Variants in PLCZ1 observed in about 807,000 individuals in gnomAD.
PLCZ1 encodes 1-phosphatidylinositol 4,5-bisphosphate phosphodiesterase zeta-1.
In PLCZ1, 64 loss-of-function variants were observed where a neutral mutation model predicts 76.8. That is an observed-to-expected ratio of 0.83 (90% confidence interval 0.68 to 1.03). PLCZ1 has a LOEUF of 1.03. Ranked by LOEUF, PLCZ1 falls within the 50% of genes least tolerant of loss-of-function variation. The pLI, the probability that PLCZ1 is intolerant of heterozygous loss-of-function variation, is 0.00. For synonymous variants in PLCZ1, 248 were observed against 230.8 expected (o/e 1.07, Z -0.68); for missense variants, 751 against 713.7 (o/e 1.05, Z -0.60).
chr12:18,737,889 T>A, intron 1 of PLCZ1, 43 bp downstream of exon 1: 2 of 284,964 alleles, frequency 7.0e-6, no homozygotes, highest in South Asian at 5.8e-5. Flanking sequence ...TTTGGGCTGC[T>A]TCTCTAGATC....
At chr12:18,651,815 G>T in the PLCZ1 span, among the ~76,000 whole-genome samples, 1 of 152,116 alleles carries the variant, frequency 6.6e-6, no homozygotes, top group East Asian at 1.9e-4. Flanking sequence ...CCAGTTGATT[G>T]TTCACAGACA....
chr12:18,704,738 A>T (rs953990261), intron 7 of PLCZ1, among the ~76,000 whole-genome samples: 7 of 152,210 alleles, frequency 4.6e-5, no homozygotes, highest in African/African-American at 1.4e-4. Context: ...TAAGACGGAA[A>T]GGGTCATAGA....
chr12:18,699,569 A>T (rs1454023734), intron 10 of PLCZ1, among the ~76,000 whole-genome samples: 1 of 152,142 alleles, frequency 6.6e-6, no homozygotes, highest in African/African-American at 2.4e-5. Flanking sequence ...CACATCGGAC[A>T]TTCTCAATCA....
chr12:18,688,318 C>G, intron 12 of PLCZ1, 100 bp from the exon 13 acceptor site: 1 of 1,218,888 alleles, frequency 8.2e-7, no homozygotes, highest in Non-Finnish European at 1.1e-6. Flanking sequence ...TTGATGGACT[C>G]TAAGTCAGCT....
intron 13 of PLCZ1, among the ~76,000 whole-genome samples, chr12:18,685,892 TAA>T (rs35030625): frequency 0.27 from 40,860 of 150,774 alleles, 6,236 homozygotes; most frequent in East Asian, 0.54. Flanking sequence ...GGATTAATTA[TAA>T]GAGAAAGCCC....
At chr12:18,712,028 G>A (rs891939741) in intron 6 of PLCZ1, among the ~76,000 whole-genome samples, 3 of 152,052 alleles carry the variant, frequency 2.0e-5, no homozygotes, top group African/African-American at 4.8e-5. Flanking sequence ...GACAGATTAT[G>A]TAATGTATTG....
At chr12:18,680,321 C>A (rs1489517437), downstream of PLCZ1, among the ~76,000 whole-genome samples, 1 of 152,022 alleles carries the variant, frequency 6.6e-6, no homozygotes, top group Non-Finnish European at 1.5e-5. Flanking sequence ...TTGACTAGAA[C>A]TCCTAGAGGC....
the PLCZ1 span, among the ~76,000 whole-genome samples, chr12:18,670,600 T>G: frequency 6.6e-6 from 1 of 152,226 alleles, no homozygotes; most frequent in Non-Finnish European, 1.5e-5. Context: ...ACTTCGTTTC[T>G]GCATATAAAG....
chr12:18,647,556 G>A, the PLCZ1 span, among the ~76,000 whole-genome samples: 5 of 151,782 alleles, frequency 3.3e-5, no homozygotes, highest in Non-Finnish European at 7.4e-5. Flanking sequence ...ACATATTTAT[G>A]GGGTATAAAA....
chr12:18,725,747 T>C (rs1447173327), intron 3 of PLCZ1, among the ~76,000 whole-genome samples: 2 of 152,108 alleles, frequency 1.3e-5, no homozygotes, highest in Non-Finnish European at 2.9e-5. Context: ...AAACCATCTC[T>C]TGCTATGGTA....
chr12:18,654,014 G>A, the PLCZ1 span, among the ~76,000 whole-genome samples: 4 of 151,952 alleles, frequency 2.6e-5, no homozygotes, highest in South Asian at 6.2e-4. Context: ...CTCATTTTCT[G>A]ATAGTTTCTT....
At chr12:18,662,299 C>T in the PLCZ1 span, among the ~76,000 whole-genome samples, 1 of 108,032 alleles carries the variant, frequency 9.3e-6, no homozygotes. Flanking sequence ...TGAACATGTA[C>T]CTCTAAACAT....
chr12:18,692,006 T>C (rs554627568), intron 12 of PLCZ1, among the ~76,000 whole-genome samples: 2 of 152,236 alleles, frequency 1.3e-5, no homozygotes, highest in South Asian at 2.1e-4. Flanking sequence ...ACGTGGAGTG[T>C]AGCTTCCCAA....
the PLCZ1 span, among the ~76,000 whole-genome samples, chr12:18,647,178 C>T: frequency 0.12 from 18,038 of 151,624 alleles, 1,366 homozygotes; most frequent in African/African-American, 0.21. Flanking sequence ...CAGTATTATG[C>T]CTGCATATGC....
chr12:18,697,566 A>G (rs146566153), intron 10 of PLCZ1, among the ~76,000 whole-genome samples: 1 of 152,286 alleles, frequency 6.6e-6, no homozygotes, highest in African/African-American at 2.4e-5. Context: ...GTTTGTTATT[A>G]CAAATACAGT....
chr12:18,733,049 T>C lies in PLCZ1; in HGVS notation c.135+3172A>G, dbSNP rs1469415273. On this transcript the variant is annotated intron_variant, in intron 3 of 14. Coordinates refer to ENST00000266505, the MANE Select transcript of PLCZ1 (RefSeq NM_033123.4). ...AACCTCCATATTGTTTTCCACAAGG[T>C]TGTACCAGTTTGCATTCACACCAAT... Among the ~76,000 whole-genome samples the C allele has an allele frequency of 2.6e-5, 4 of 152,292 alleles. No individual in the cohort carries two copies. In the South Asian group the frequency reaches 6.2e-4, roughly 24 times the overall value.
chr12:18,709,389 G>T (rs1957024523), intron 6 of PLCZ1, among the ~76,000 whole-genome samples: 1 of 151,958 alleles, frequency 6.6e-6, no homozygotes, highest in African/African-American at 2.4e-5. Flanking sequence ...CTGTTTTTCT[G>T]CACAGGACCA....
chr12:18,684,781 A>T (rs904953476), intron 13 of PLCZ1, among the ~76,000 whole-genome samples: 1 of 152,002 alleles, frequency 6.6e-6, no homozygotes, highest in African/African-American at 2.4e-5. Context: ...CCCCCACCCA[A>T]ATCTCATCTT....
intron 4 of PLCZ1, among the ~76,000 whole-genome samples, chr12:18,720,846 A>ATT (rs1958397371): frequency 6.6e-6 from 1 of 152,076 alleles, no homozygotes; most frequent in Non-Finnish European, 1.5e-5. Flanking sequence ...AATATGATAC[A>ATT]ATACTAAGCA....
Sources: gnomAD v4.1 joint callset for allele counts (sites outside exome capture counted in the v4.1 genomes callset) on GRCh38, gnomAD v4.1.1 for gene constraint, MANE v1.5 for transcripts, NCBI Gene and HGNC (gene_info 2026-07-23, HGNC 2026-07-21) for gene names.